The following LRMDA variants were observed in gnomAD, a reference collection of about 807,000 sequenced individuals.
The protein encoded by LRMDA is leucine-rich melanocyte differentiation-associated protein.
LRMDA carries 18 observed loss-of-function variants against 29.8 expected under a neutral mutation model. The ratio of observed to expected loss-of-function variants is 0.60; its 90% CI spans 0.42 to 0.90. LRMDA has a LOEUF of 0.90. Among genes scored for constraint, LRMDA ranks in the 40% least tolerant of loss-of-function variants. The pLI is 0.00. For synonymous variants in LRMDA, 125 were observed against 109.4 expected (o/e 1.14, Z -0.89); for missense variants, 273 against 273.9 (o/e 1.00, Z 0.02).
intron 6 of LRMDA, among the ~76,000 whole-genome samples, chr10:76,419,040 C>A (rs1589175641): frequency 6.6e-6 from 1 of 152,064 alleles, no homozygotes; most frequent in African/African-American, 2.4e-5. Flanking sequence ...GCATCTCACA[C>A]CAAAGTGGTA....
intron 2 of LRMDA, among the ~76,000 whole-genome samples, chr10:75,666,073 T>A (rs1451217108): frequency 6.6e-6 from 1 of 152,178 alleles, no homozygotes; most frequent in East Asian, 1.9e-4. Flanking sequence ...AATTATGATT[T>A]TACCTGATTT....
chr10:75,921,297 CCTCACAGGACTTCCA>C (rs1846021853), intron 2 of LRMDA, among the ~76,000 whole-genome samples: 1 of 152,054 alleles, frequency 6.6e-6, no homozygotes, highest in African/African-American at 2.4e-5. Context: ...TGGTACTTAC[CCTCACAGGACTTCCA>C]CTCTGCTGAT....
chr10:76,311,169 G>A (rs1192254270), intron 5 of LRMDA, among the ~76,000 whole-genome samples: 1 of 152,186 alleles, frequency 6.6e-6, no homozygotes, highest in African/African-American at 2.4e-5. Context: ...AGTAACCCAA[G>A]AATGCACACG....
chr10:75,553,012 A>T (rs1351543109), intron 2 of LRMDA, among the ~76,000 whole-genome samples: 1 of 152,094 alleles, frequency 6.6e-6, no homozygotes. Flanking sequence ...TTAAGTCCCT[A>T]TCTGATAATT....
intron 2 of LRMDA, among the ~76,000 whole-genome samples, chr10:75,569,075 A>G (rs1564803178): frequency 6.6e-6 from 1 of 151,644 alleles, no homozygotes. Flanking sequence ...TAATGTTGGC[A>G]TTATTTCTTG....
At chr10:75,834,583 A>G (rs1199845894) in intron 2 of LRMDA, among the ~76,000 whole-genome samples, 1 of 152,130 alleles carries the variant, frequency 6.6e-6, no homozygotes, top group Non-Finnish European at 1.5e-5. Context: ...GCAAGAGGAA[A>G]CCAGATTGGA....
intron 5 of LRMDA, among the ~76,000 whole-genome samples, chr10:76,252,479 C>T (rs958139264): frequency 2.0e-5 from 3 of 152,154 alleles, no homozygotes; most frequent in Non-Finnish European, 4.4e-5. Context: ...ATAAGCCCAG[C>T]TAAACAAAAC....
At chr10:76,168,539 C>T (rs1377171233) in intron 5 of LRMDA, among the ~76,000 whole-genome samples, 2 of 152,112 alleles carry the variant, frequency 1.3e-5, no homozygotes, top group Non-Finnish European at 2.9e-5. Context: ...TGGTGATGAT[C>T]TGAATCATCA....
intron 2 of LRMDA, among the ~76,000 whole-genome samples, chr10:75,693,159 C>T (rs900813662): frequency 6.6e-6 from 1 of 152,212 alleles, no homozygotes; most frequent in East Asian, 1.9e-4. Flanking sequence ...AAAACAGCTT[C>T]GCTTGGAGAG....
intron 5 of LRMDA, among the ~76,000 whole-genome samples, chr10:76,145,511 G>T (rs968053226): frequency 4.6e-4 from 70 of 152,054 alleles, no homozygotes; most frequent in African/African-American, 1.6e-3. Flanking sequence ...ATAGTAGTTT[G>T]TATTTCTGTG....
chr10:76,271,106 A>G (rs1475910229), intron 5 of LRMDA, among the ~76,000 whole-genome samples: 7 of 152,188 alleles, frequency 4.6e-5, no homozygotes, highest in Admixed American at 1.3e-4. Context: ...CTACAGATCC[A>G]TATGTAATCA....
intron 2 of LRMDA, among the ~76,000 whole-genome samples, chr10:75,698,119 G>A (rs1307253505): frequency 6.6e-6 from 1 of 152,216 alleles, no homozygotes; most frequent in Admixed American, 6.5e-5. Context: ...TTCAAATCCA[G>A]GCAGTCTGGC....
At chr10:76,427,834 A>C (rs1842145618) in intron 6 of LRMDA, among the ~76,000 whole-genome samples, 1 of 152,180 alleles carries the variant, frequency 6.6e-6, no homozygotes. Context: ...ATTTTGTCAA[A>C]GGCCTTTTCT....
intron 5 of LRMDA, among the ~76,000 whole-genome samples, chr10:76,285,472 C>T (rs1456143838): frequency 6.6e-6 from 1 of 151,810 alleles, no homozygotes; most frequent in Admixed American, 6.6e-5. Flanking sequence ...ATCCTGATAG[C>T]AGGAAGGTAG....
intron 6 of LRMDA, among the ~76,000 whole-genome samples, chr10:76,548,430 G>A (rs549000710): frequency 6.8e-6 from 1 of 146,524 alleles, no homozygotes; most frequent in African/African-American, 2.6e-5. Context: ...ACTGTTTCAG[G>A]CTTCATCTTT....
chr10:75,462,826 A>G (rs1309892978), intron 2 of LRMDA, among the ~76,000 whole-genome samples: 1 of 152,200 alleles, frequency 6.6e-6, no homozygotes, highest in East Asian at 1.9e-4. Context: ...TCCAGGTAGG[A>G]TTCTGGGCGT....
At chr10:75,986,365 G>T (rs894388011) in intron 2 of LRMDA, among the ~76,000 whole-genome samples, 1 of 152,180 alleles carries the variant, frequency 6.6e-6, no homozygotes, top group Non-Finnish European at 1.5e-5. Flanking sequence ...TAGGTGTTTC[G>T]TGGGAAAACA....
At chr10:76,239,016 A>G (rs57116665) in intron 5 of LRMDA, among the ~76,000 whole-genome samples, 8 of 152,300 alleles carry the variant, frequency 5.3e-5, no homozygotes, top group African/African-American at 1.9e-4. Flanking sequence ...AGGGGGTGAG[A>G]TGGATCAACC....
At chr10:76,507,627 G>T (rs1842971981) in intron 6 of LRMDA, among the ~76,000 whole-genome samples, 1 of 151,894 alleles carries the variant, frequency 6.6e-6, no homozygotes, top group African/African-American at 2.4e-5. Flanking sequence ...TCATAGTTTT[G>T]GTTCTTATAT....
Sources: gnomAD v4.1 joint callset for allele counts (sites outside exome capture counted in the v4.1 genomes callset) on GRCh38, gnomAD v4.1.1 for gene constraint, MANE v1.5 for transcripts, NCBI Gene and HGNC (gene_info 2026-07-23, HGNC 2026-07-21) for gene names.